EPOR: variants seen among roughly 807,000 people sequenced by gnomAD.
EPOR encodes the protein erythropoietin receptor.
In EPOR, 20 loss-of-function variants were observed where a neutral mutation model predicts 34.3. The observed-to-expected ratio is 0.58, with a 90% CI of 0.41 to 0.85. EPOR has a LOEUF of 0.85. Among genes scored for constraint, EPOR ranks in the 40% least tolerant of loss-of-function variants. The pLI, the probability that EPOR is intolerant of heterozygous loss-of-function variation, is 0.00. For synonymous variants in EPOR, 312 were observed against 299.0 expected, an observed-to-expected ratio of 1.04 and a Z score of -0.45; for missense variants, 601 against 672.7, an observed-to-expected ratio of 0.89 and a Z score of 1.18.
rs1440415679 is a variant in EPOR, at chr19:11,383,134, C to T, written c.214G>A (p.Val72Met). The T allele has an allele frequency of 1.9e-6, 3 of 1,613,604 alleles. No homozygotes were observed. The South Asian group carries it at 3.3e-5, about 18-fold the overall frequency. The part of the protein sequence containing the change: ...CFWEEAASAG[V>M]GPGNYSFSYQ... ...GAGAAGCTGTAGTTGCCCGGGCCCA[C>T]CCCAGCGCTCGCCGCTTCCTCCCAG... The change falls in exon 2 of 8, where the codon GTG (valine) becomes ATG (methionine). Residue 72 changes from valine to methionine, a missense_variant. Coordinates refer to ENST00000222139, the MANE Select transcript of EPOR (RefSeq NM_000121.4). This position sits in a 1 kb window ranked among gnomAD's most constrained non-coding sequence, Gnocchi z 4.9.
At position 11,381,284 on chromosome 19, in the gene EPOR, G is replaced by A; in HGVS notation, c.586-75C>T. ...CGTGGGGGCGGGCCCTGGTGGAACT[G>A]AGCCAATCAGGGGAAAGGAAAACGG... On this transcript the variant is annotated intron_variant, in intron 4 of 7. Coordinates refer to ENST00000222139, the MANE Select transcript of EPOR (RefSeq NM_000121.4). The surrounding 1 kb of genome is among the most constrained non-coding windows in gnomAD (Gnocchi z 5.3). 2 of 1,485,912 alleles carry A rather than the reference G, an allele frequency of 1.3e-6. No homozygotes were observed. The highest frequency in any genetic ancestry group is 1.2e-5 in the South Asian group (1 of 82,788). The allele number at this position is 1,485,912 out of a possible 1,614,324, so 92.0% of individuals were successfully genotyped here. A position where few individuals can be genotyped will look rare whatever the true frequency, so the allele number is the denominator to read the frequency against.
At position 11,383,574 on chromosome 19, in the gene EPOR, CG is replaced by C. The variant is rs1468504881; in HGVS notation, c.116-343del. 1 of 279,490 alleles carries C rather than the reference CG, an allele frequency of 3.6e-6. No homozygotes were observed. Among genetic ancestry groups the C allele is most frequent in the Non-Finnish European group, 6.8e-6 (1 of 146,412 alleles). The allele number at this position is 279,490 out of a possible 1,614,324, so 17.3% of individuals were successfully genotyped here. Reference sequence around the variant, plus strand: ...GCGGCTGGGGGTGTGTGCGGAGAGGCGGGCCCCCTATCGGCCCCGGCAGGCT... The same window carrying C: ...GCGGCTGGGGGTGTGTGCGGAGAGGCGGCCCCCTATCGGCCCCGGCAGGCT... On this transcript the variant is annotated intron_variant, in intron 1 of 7. Coordinates refer to ENST00000222139, the MANE Select transcript of EPOR (RefSeq NM_000121.4). This position sits in a 1 kb window ranked among gnomAD's most constrained non-coding sequence, Gnocchi z 4.9.
At position 11,377,876 on chromosome 19, in the gene EPOR, A is replaced by C. The variant is rs369251866; in HGVS notation, c.*108T>G. 8.1e-5 allele frequency: 113 copies of C among 1,388,412 alleles called. 3 individuals carry two copies. In the Middle Eastern group the frequency reaches 1.5e-3, roughly 18 times the overall value. 86.0% of individuals were successfully genotyped at this position (1,388,412 alleles called of 1,614,324 possible). On this transcript the variant is annotated 3_prime_UTR_variant, in exon 8 of 8. Coordinates refer to ENST00000222139, the MANE Select transcript of EPOR (RefSeq NM_000121.4). The stretch of plus-strand genomic sequence containing the variant: ...GATGGATTGGGCAGACAAAATCAGC[A>C]ATGCCCCTGCTCCTGAGAGAGGCCT...
chr19:11,379,603 C>T lies in EPOR; in HGVS notation c.828-825G>A, dbSNP rs371578227. On this transcript the variant is annotated intron_variant, in intron 6 of 7. Coordinates refer to ENST00000222139, the MANE Select transcript of EPOR (RefSeq NM_000121.4). ...AAAAAAAAAATTCCAAACTCCTCCC[C>T]ACCACCCTGCAGAAGGCCCTGCGTT... Among the ~76,000 whole-genome samples the T allele has an allele frequency of 1.4e-4, 21 of 151,956 alleles. No individual in the cohort carries two copies. In the East Asian group the frequency reaches 3.7e-3, roughly 27 times the overall value.
chr19:11,383,339 G>T lies in EPOR; in HGVS notation c.116-107C>A. 8.9e-7 allele frequency: 1 copy of T among 1,129,932 alleles called. No homozygotes were observed. Among genetic ancestry groups the T allele is most frequent in the Non-Finnish European group, 1.2e-6 (1 of 818,324 alleles). 70.0% of individuals were successfully genotyped at this position (1,129,932 alleles called of 1,614,324 possible). On this transcript the variant is annotated intron_variant, in intron 1 of 7. Transcript: ENST00000222139. The surrounding 1 kb of genome is among the most constrained non-coding windows in gnomAD (Gnocchi z 4.9). ...CCTGGGCGGACCCGATAAGAAAAAA[G>T]CCCCGCCCTGCCATCTTCCCAAGCG...
rs1968399714 is a variant in EPOR at position 11,383,889 on chromosome 19, C to G, written c.115+204G>C. Among the ~76,000 whole-genome samples, 1 of 151,980 alleles carries G rather than the reference C, an allele frequency of 6.6e-6. No individual in the cohort carries two copies. The highest frequency in any genetic ancestry group is 2.4e-5 in the African/African-American group (1 of 41,386). On this transcript the variant is annotated intron_variant, in intron 1 of 7. Transcript: ENST00000222139. The surrounding 1 kb of genome is among the most constrained non-coding windows in gnomAD (Gnocchi z 4.9). Reference sequence around the variant, plus strand: ...CTCTAGCTCTTGCCCGGGACGCGATCAGGAGTCTTGGATCCTAACATACCC... The same window carrying G: ...CTCTAGCTCTTGCCCGGGACGCGATGAGGAGTCTTGGATCCTAACATACCC...
chr19:11,377,994 G>A lies in EPOR; in HGVS notation c.1517C>T (p.Ala506Val). The change falls in exon 8 of 8, where the codon GCT becomes GTT. Residue 506 changes from alanine to valine, a missense_variant. Physicochemically the swap from Ala to Val is moderately conservative, Grantham distance 64. Coordinates refer to ENST00000222139, the MANE Select transcript of EPOR (RefSeq NM_000121.4). ...AAEPLPPSYV[A>V]CS The stretch of plus-strand genomic sequence containing the variant: ...CTGCAGCCTGGTGTCCTAAGAGCAA[G>A]CCACATAGCTGGGGGGCAGAGGCTC... The A allele has an allele frequency of 6.2e-7, 1 of 1,614,100 alleles. No individual in the cohort carries two copies. Among genetic ancestry groups the A allele is most frequent in the Non-Finnish European group, 8.5e-7 (1 of 1,180,022 alleles).
At position 11,377,277 on chromosome 19, in the gene EPOR, T is replaced by C. The variant is rs1197469691; in HGVS notation, c.*707A>G. 2 of 453,980 alleles carry C rather than the reference T, an allele frequency of 4.4e-6. No homozygotes were observed. The highest frequency in any genetic ancestry group is 2.0e-5 in the African/African-American group (1 of 50,006). 28.1% of individuals were successfully genotyped at this position (453,980 alleles called of 1,614,324 possible). On this transcript the variant is annotated 3_prime_UTR_variant, in exon 8 of 8. Coordinates refer to ENST00000222139, the MANE Select transcript of EPOR (RefSeq NM_000121.4). ...AGTGGCCCTTAAACAGCTTTGCCCT[T>C]CCTGGGTGTACAGCTAAACTAAGTT...
At position 11,377,809 on chromosome 19, in the gene EPOR, T is replaced by C. The variant is rs1252472936; in HGVS notation, c.*175A>G. Reference sequence around the variant, plus strand: ...TATATATAGATACAAAAAAAAACTATACATATTTAAAAATACTGCAAGGTT... The same window carrying C: ...TATATATAGATACAAAAAAAAACTACACATATTTAAAAATACTGCAAGGTT... On this transcript the variant is annotated 3_prime_UTR_variant, in exon 8 of 8. Coordinates refer to ENST00000222139, the MANE Select transcript of EPOR (RefSeq NM_000121.4). 2 of 788,476 alleles carry C rather than the reference T, an allele frequency of 2.5e-6. No homozygotes were observed. Among genetic ancestry groups the C allele is most frequent in the Admixed American group, 1.7e-5 (1 of 58,910 alleles). 48.8% of individuals were successfully genotyped at this position (788,476 alleles called of 1,614,324 possible). A position where few individuals can be genotyped will look rare whatever the true frequency, so the allele number is the denominator to read the frequency against.
Position 11,383,357 on chromosome 19 carries a change from C to A in EPOR, c.116-125G>T, listed in dbSNP as rs1968391637. 1.0e-6 allele frequency: 1 copy of A among 1,003,932 alleles called. No homozygotes were observed. Among genetic ancestry groups the A allele is most frequent in the South Asian group, 1.7e-5 (1 of 57,730 alleles). 62.2% of individuals were successfully genotyped at this position (1,003,932 alleles called of 1,614,324 possible). On this transcript the variant is annotated intron_variant, in intron 1 of 7. Transcript: ENST00000222139. This position sits in a 1 kb window ranked among gnomAD's most constrained non-coding sequence, Gnocchi z 4.9. The stretch of plus-strand genomic sequence containing the variant: ...GAAAAAAGCCCCGCCCTGCCATCTT[C>A]CCAAGCGGGTCCCTTGGAGGGGTCC...
chr19:11,378,703 C>G lies in EPOR; in HGVS notation c.903G>C (p.Lys301Asn). 6.2e-7 allele frequency: 1 copy of G among 1,614,202 alleles called. No individual in the cohort carries two copies. The highest frequency in any genetic ancestry group is 8.5e-7 in the Non-Finnish European group (1 of 1,180,038). ...SEFEGLFTTH[K>N]GNFQLWLYQN... ...CCAGGCCACCTACCTGGAAGTTACC[C>G]TTGTGGGTGGTGAAGAGGCCTTCAA... is the stretch of plus-strand genomic sequence containing the variant. Residue 301 changes from lysine (K) to asparagine (N), a missense_variant, in exon 7 of 8, where the codon AAG becomes AAC. Lys to Asn is a moderately conservative substitution (Grantham distance 94, BLOSUM62 0). Coordinates refer to ENST00000222139, the MANE Select transcript of EPOR (RefSeq NM_000121.4). This position sits in a 1 kb window ranked among gnomAD's most constrained non-coding sequence, Gnocchi z 5.3.
At chr19:11,384,070 G>C (rs1968402270) in intron 1 of EPOR, 23 bp downstream of exon 1, 2 of 1,434,466 alleles carry the variant, frequency 1.4e-6, no homozygotes, top group African/African-American at 2.8e-5. Flanking sequence ...CAGCGTAGGG[G>C]TCCACACGCA....
chr19:11,378,206 G>C lies in EPOR; in HGVS notation c.1305C>G (p.Leu435=). The change falls in exon 8 of 8, where the codon CTC becomes CTG. Residue 435 remains leucine (L), a synonymous_variant. Coordinates refer to ENST00000222139, the MANE Select transcript of EPOR (RefSeq NM_000121.4). This position sits in a 1 kb window ranked among gnomAD's most constrained non-coding sequence, Gnocchi z 5.3. ...CAGGGCACAGTGTCCATGGACGCAA[G>C]AGCTGGGAGCTGGGGTCCAGGATAG... ...EYTILDPSSQ[L]LRPWTLCPEL... 1 of 1,614,172 alleles carries C rather than the reference G, an allele frequency of 6.2e-7. No individual in the cohort carries two copies. The highest frequency in any genetic ancestry group is 8.5e-7 in the Non-Finnish European group (1 of 1,180,030).
chr19:11,381,974 G>A lies in EPOR; in HGVS notation c.383C>T (p.Ser128Phe). Residue 128 changes from serine to phenylalanine, a missense_variant, in exon 3 of 8, where the codon TCC (serine) becomes TTC (phenylalanine). Physicochemically the swap from Ser to Phe is radical, Grantham distance 155. Coordinates refer to ENST00000222139, the MANE Select transcript of EPOR (RefSeq NM_000121.4). This position sits in a 1 kb window ranked among gnomAD's most constrained non-coding sequence, Gnocchi z 5.3. ...VPLELRVTAASGAPRYHRVIH... is the reference protein window; with the variant it reads ...VPLELRVTAAFGAPRYHRVIH... ...GACACGGTGATATCGCGGAGCGCCGGAGGCTGCTGTGACGCGCAACTCTAG... is the reference window on the plus strand; with the variant it reads ...GACACGGTGATATCGCGGAGCGCCGAAGGCTGCTGTGACGCGCAACTCTAG... The A allele has an allele frequency of 1.2e-6, 2 of 1,614,224 alleles. No individual in the cohort carries two copies. Among genetic ancestry groups the A allele is most frequent in the Non-Finnish European group, 1.7e-6 (2 of 1,180,032 alleles).
chr19:11,379,701 A>ATTT (rs1203446102), intron 6 of EPOR, among the ~76,000 whole-genome samples: 2 of 143,468 alleles, frequency 1.4e-5, no homozygotes, highest in Non-Finnish European at 1.5e-5. Context: ...CCATGTGGCA[A>ATTT]TTTTTTTTTT....
chr19:11,381,636 TGGCTGGGCCGTAGTCAGTGGAGCTTTGGG>T lies in EPOR; in HGVS notation c.585+27_585+55del. Reference sequence around the variant, plus strand: ...GCACCGGGCGCGACCTCGAGAGGCGTGGCTGGGCCGTAGTCAGTGGAGCTTTGGGGGCTGGGCCGTAGGGGCTGGCCTCA... The same window carrying T: ...GCACCGGGCGCGACCTCGAGAGGCGTGGCTGGGCCGTAGGGGCTGGCCTCA... On this transcript the variant is annotated intron_variant, in intron 4 of 7. Transcript: ENST00000222139. This position sits in a 1 kb window ranked among gnomAD's most constrained non-coding sequence, Gnocchi z 5.3. 6.5e-7 allele frequency: 1 copy of T among 1,545,506 alleles called. No homozygotes were observed.
rs762127631 is a variant in EPOR at position 11,383,199 on chromosome 19, A to G, written c.149T>C (p.Leu50Pro). 6.2e-7 allele frequency: 1 copy of G among 1,608,320 alleles called. No homozygotes were observed. Among genetic ancestry groups the G allele is most frequent in the Non-Finnish European group, 8.5e-7 (1 of 1,177,732 alleles). ...CTCCAACCGCTCGGTGAAGCACAGA[A>G]GCTCTTCGGGCCCCCGGGCCGCCAG... ...ALLAARGPEE[L>P]LCFTERLEDL... Residue 50 changes from leucine to proline, a missense_variant, in exon 2 of 8, where the codon CTT (leucine) becomes CCT (proline). Leu to Pro is a moderately conservative substitution (Grantham distance 98). Coordinates refer to ENST00000222139, the MANE Select transcript of EPOR (RefSeq NM_000121.4). The surrounding 1 kb of genome is among the most constrained non-coding windows in gnomAD (Gnocchi z 4.9).
rs1281927241 is a variant in EPOR, at chr19:11,378,016, G to A, written c.1495C>T (p.Pro499Ser). Residue 499 changes from proline to serine, a missense_variant, in exon 8 of 8, where the codon CCT becomes TCT. Pro to Ser is a moderately conservative substitution (Grantham distance 74). Coordinates refer to ENST00000222139, the MANE Select transcript of EPOR (RefSeq NM_000121.4). This position sits in a 1 kb window ranked among gnomAD's most constrained non-coding sequence, Gnocchi z 5.3. Reference sequence around the variant, plus strand: ...CAAGCCACATAGCTGGGGGGCAGAGGCTCAGCGGCTGGGATAAGGCTGTTC... The same window carrying A: ...CAAGCCACATAGCTGGGGGGCAGAGACTCAGCGGCTGGGATAAGGCTGTTC... ...YENSLIPAAE[P>S]LPPSYVACS 2 of 1,614,144 alleles carry A rather than the reference G, an allele frequency of 1.2e-6. No homozygotes were observed. Among genetic ancestry groups the A allele is most frequent in the Non-Finnish European group, 1.7e-6 (2 of 1,180,032 alleles).
chr19:11,384,308 G>T lies in EPOR; in HGVS notation c.-101C>A. 1.3e-6 allele frequency: 1 copy of T among 797,602 alleles called. No homozygotes were observed. Among genetic ancestry groups the T allele is most frequent in the Non-Finnish European group, 2.1e-6 (1 of 474,680 alleles). The allele number at this position is 797,602 out of a possible 1,614,324, so 49.4% of individuals were successfully genotyped here. On this transcript the variant is annotated 5_prime_UTR_variant, in exon 1 of 8. It adds an upstream start codon to the 5' untranslated region. Coordinates refer to ENST00000222139, the MANE Select transcript of EPOR (RefSeq NM_000121.4). ...TCAGCAGCTGCCTCCGCCGGACGCA[G>T]CTGACCAGGCCCTTCCCGACCAGGC...
Sources: gnomAD v4.1 joint callset for allele counts (sites outside exome capture counted in the v4.1 genomes callset) on GRCh38, gnomAD v4.1.1 for gene constraint, Gnocchi (gnomAD v3.1) non-coding constraint, MANE v1.5 for transcripts, NCBI Gene and HGNC (gene_info 2026-07-23, HGNC 2026-07-21) for gene names.